The following PCDH15 variants were observed in gnomAD, a reference collection of about 807,000 sequenced individuals.
The protein encoded by PCDH15 is protocadherin-15.
PCDH15 carries 129 observed loss-of-function variants against 178.5 expected under a neutral mutation model. The ratio of observed to expected loss-of-function variants is 0.72; its 90% CI spans 0.63 to 0.84. The LOEUF is 0.84. Among genes scored for constraint, PCDH15 ranks in the 40% least tolerant of loss-of-function variants. PCDH15 has a pLI of 0.00. For missense variants in PCDH15, 2,230 were observed against 2,099.9 expected (o/e 1.06, Z -1.21); for synonymous variants, 800 against 732.0 (o/e 1.09, Z -1.50).
intron 2 of PCDH15, among the ~76,000 whole-genome samples, chr10:55,612,264 A>T (rs1372806247): frequency 6.6e-6 from 1 of 152,152 alleles, no homozygotes; most frequent in Non-Finnish European, 1.5e-5. Flanking sequence ...GTATACATGT[A>T]TCTTAACATC....
intron 3 of PCDH15, among the ~76,000 whole-genome samples, chr10:54,863,536 C>T (rs534313007): frequency 1.3e-4 from 20 of 152,186 alleles, no homozygotes; most frequent in Admixed American, 1.0e-3. Flanking sequence ...AGCGAGACTC[C>T]GTCTCAAAAT....
At chr10:54,210,328 A>G (rs1254845301) in intron 10 of PCDH15, among the ~76,000 whole-genome samples, 1 of 152,092 alleles carries the variant, frequency 6.6e-6, no homozygotes, top group Non-Finnish European at 1.5e-5. Flanking sequence ...GAAAAGATTT[A>G]CTGTGCCAGG....
intron 26 of PCDH15, among the ~76,000 whole-genome samples, chr10:53,895,687 G>C (rs1279325756): frequency 6.6e-6 from 1 of 152,118 alleles, no homozygotes; most frequent in Admixed American, 6.6e-5. Flanking sequence ...AAGACAACAT[G>C]CAATAAACTG....
At chr10:54,632,462 C>T (rs913566711) in intron 2 of PCDH15, among the ~76,000 whole-genome samples, 12 of 151,912 alleles carry the variant, frequency 7.9e-5, no homozygotes, top group African/African-American at 1.9e-4. Flanking sequence ...AATAAATCTT[C>T]GATTGGCATG....
At chr10:55,149,633 G>A (rs146956630) in intron 2 of PCDH15, among the ~76,000 whole-genome samples, 153 of 152,154 alleles carry the variant, frequency 1.0e-3, no homozygotes, top group African/African-American at 3.5e-3. Flanking sequence ...TCCCATAGAA[G>A]TTTAATATCT....
At chr10:54,724,463 C>A (rs775552263) in intron 1 of PCDH15, among the ~76,000 whole-genome samples, 1 of 151,090 alleles carries the variant, frequency 6.6e-6, no homozygotes, top group Admixed American at 6.6e-5. Context: ...GAGTAGAAGC[C>A]CAGTCCCTAA....
chr10:55,076,674 G>C (rs1841896619), intron 2 of PCDH15, among the ~76,000 whole-genome samples: 1 of 149,314 alleles, frequency 6.7e-6, no homozygotes, highest in Non-Finnish European at 1.5e-5. Flanking sequence ...GCCTAGGCTA[G>C]TATCAAACTT....
chr10:54,600,144 G>C lies in PCDH15; in HGVS notation c.91+64028C>G, dbSNP rs115028231. ...ATGTGCCAGAGAAGAAGAAAGCTGA[G>C]TCCCTGGTAAAGGAGGAAGCCATGG... is the stretch of plus-strand genomic sequence containing the variant. On this transcript the variant is annotated intron_variant, in intron 2 of 37. Coordinates refer to ENST00000644397, the MANE Select transcript of PCDH15 (RefSeq NM_001384140.1). 2,809 of 757,770 alleles carry C rather than the reference G, an allele frequency of 3.7e-3. 60 individuals carry two copies. The African/African-American group carries it at 0.044, about 12-fold the overall frequency. The allele number at this position is 757,770 out of a possible 1,614,324, so 46.9% of individuals were successfully genotyped here. A position where few individuals can be genotyped will look rare whatever the true frequency, so the allele number is the denominator to read the frequency against.
chr10:55,619,861 AAAGT>A (rs1285999461), intron 2 of PCDH15, among the ~76,000 whole-genome samples: 9 of 152,210 alleles, frequency 5.9e-5, no homozygotes, highest in African/African-American at 2.2e-4. Flanking sequence ...GAAGCTCATT[AAAGT>A]AAGTCTGCAC....
At chr10:53,897,817 G>T (rs2082055371) in intron 26 of PCDH15, among the ~76,000 whole-genome samples, 1 of 152,088 alleles carries the variant, frequency 6.6e-6, no homozygotes, top group South Asian at 2.1e-4. Flanking sequence ...ATTTCACAGA[G>T]CATGATGTCC....
At chr10:54,731,563 TACACACACACACAC>T (rs1159070523) in intron 1 of PCDH15, among the ~76,000 whole-genome samples, 49 of 49,844 alleles carry the variant, frequency 9.8e-4, no homozygotes, top group Non-Finnish European at 1.9e-3. Flanking sequence ...TATATATATA[TACACACACACACAC>T]ACACACACAC....
At chr10:55,010,270 G>A (rs1374405765) in intron 2 of PCDH15, among the ~76,000 whole-genome samples, 1 of 151,942 alleles carries the variant, frequency 6.6e-6, no homozygotes, top group Non-Finnish European at 1.5e-5. Flanking sequence ...TAGACTAAGG[G>A]GCTATTATCC....
chr10:54,730,767 A>C, intron 1 of PCDH15, among the ~76,000 whole-genome samples: 1 of 151,498 alleles, frequency 6.6e-6, no homozygotes, highest in Non-Finnish European at 1.5e-5. Flanking sequence ...ATAAAAATAA[A>C]GACTTAAATT....
Position 54,910,816 on chromosome 10 carries a change from C to A in PCDH15, c.-79-13316G>T, listed in dbSNP as rs1046853553. Among the ~76,000 whole-genome samples the A allele has an allele frequency of 2.6e-5, 4 of 152,100 alleles. No individual in the cohort carries two copies. In the South Asian group the frequency reaches 6.2e-4, roughly 24 times the overall value. On this transcript the variant is annotated intron_variant, in intron 2 of 5. Transcript: ENST00000458638. ...AATAAATGAACAAACAAGTAACAAA[C>A]CAGTATCAGCAGAGATTGGATCCAA...
chr10:54,163,048 A>G (rs2133468139), intron 13 of PCDH15, among the ~76,000 whole-genome samples: 1 of 152,198 alleles, frequency 6.6e-6, no homozygotes, highest in Non-Finnish European at 1.5e-5. Context: ...CCATATCCTG[A>G]TGATTTGTTC....
chr10:54,791,675 C>A (rs180978516), intron 1 of PCDH15, among the ~76,000 whole-genome samples: 1 of 151,886 alleles, frequency 6.6e-6, no homozygotes, highest in East Asian at 1.9e-4. Flanking sequence ...TGAAGTCATC[C>A]AATCTCTCTC....
rs151159301 is a variant in PCDH15 at position 53,882,377 on chromosome 10, A to G, written c.3502-15520T>C. 1.1e-4 allele frequency among the ~76,000 whole-genome samples: 16 copies of G among 152,036 alleles called. No homozygotes were observed. The East Asian group carries it at 2.7e-3, about 26-fold the overall frequency. ...ACACTCGTGATGGCCCCCTAGTCCC[A>G]CTTTCTCTCTCAAATGTCTTTTTCT... On this transcript the variant is annotated intron_variant, in intron 26 of 37. Transcript: ENST00000644397.
intron 18 of PCDH15, among the ~76,000 whole-genome samples, chr10:54,030,926 A>G (rs775762853): frequency 5.3e-5 from 8 of 151,918 alleles, no homozygotes; most frequent in Non-Finnish European, 1.0e-4. Context: ...GCTTTACTCT[A>G]TCTTGTCTTT....
At chr10:53,964,161 C>A (rs1027850126) in intron 21 of PCDH15, among the ~76,000 whole-genome samples, 3 of 151,982 alleles carry the variant, frequency 2.0e-5, no homozygotes, top group Non-Finnish European at 2.9e-5. Flanking sequence ...CTTCTCCAGG[C>A]GTTCTCTAAT....
Sources: gnomAD v4.1 joint callset for allele counts (sites outside exome capture counted in the v4.1 genomes callset) on GRCh38, gnomAD v4.1.1 for gene constraint, MANE v1.5 for transcripts, NCBI Gene and HGNC (gene_info 2026-07-23, HGNC 2026-07-21) for gene names.